The following ATP10B variants were observed in gnomAD, a reference collection of about 807,000 sequenced individuals.
ATP10B encodes ATPase phospholipid transporting 10B (putative).
ATP10B carries 122 observed loss-of-function variants against 141.2 expected under a neutral mutation model. That is an observed-to-expected ratio of 0.86 (90% CI 0.75 to 1.00). The LOEUF (loss-of-function observed/expected upper bound fraction) is 1.00. Among genes scored for constraint, ATP10B ranks in the 50% least tolerant of loss-of-function variants. ATP10B has a pLI of 0.00. For synonymous variants in ATP10B, 685 were observed against 692.0 expected (o/e 0.99, Z 0.16); for missense variants, 1,876 against 1,825.3 (o/e 1.03, Z -0.51).
At chr5:160,843,514 A>T (rs78582583) in intron 1 of ATP10B, among the ~76,000 whole-genome samples, 2 of 152,098 alleles carry the variant, frequency 1.3e-5, no homozygotes, top group Non-Finnish European at 2.9e-5. Context: ...TGACAAAAAA[A>T]AAAAGCTGTT....
the ATP10B span, among the ~76,000 whole-genome samples, chr5:160,870,986 T>TTCAAAAATACAGGAGAAATTATTCG: frequency 6.6e-6 from 1 of 152,224 alleles, no homozygotes; most frequent in Non-Finnish European, 1.5e-5. Context: ...GAAATTATTC[T>TTCAAAAATACAGGAGAAATTATTCG]TCAAAAATAC....
intron 24 of ATP10B, among the ~76,000 whole-genome samples, chr5:160,570,074 C>A (rs1754783405): frequency 6.6e-6 from 1 of 151,796 alleles, no homozygotes; most frequent in Non-Finnish European, 1.5e-5. Context: ...TTCCACATGG[C>A]AGTAGTTTAT....
intron 2 of ATP10B, among the ~76,000 whole-genome samples, chr5:160,772,587 T>C (rs897531545): frequency 6.6e-6 from 1 of 152,210 alleles, no homozygotes; most frequent in Non-Finnish European, 1.5e-5. Context: ...CATTAGATTC[T>C]TGTAAGGAGC....
At chr5:160,896,904 A>G in the ATP10B span, among the ~76,000 whole-genome samples, 1 of 152,222 alleles carries the variant, frequency 6.6e-6, no homozygotes, top group African/African-American at 2.4e-5. Context: ...AAATCAATAA[A>G]TGTAATCCAT....
chr5:160,677,539 G>C (rs1027623564), intron 6 of ATP10B, among the ~76,000 whole-genome samples: 4 of 152,182 alleles, frequency 2.6e-5, no homozygotes, highest in Non-Finnish European at 5.9e-5. Context: ...CGAGTTCTAT[G>C]GTTAAAGATT....
chr5:160,642,083 A>G, intron 9 of ATP10B, among the ~76,000 whole-genome samples: 1 of 151,568 alleles, frequency 6.6e-6, no homozygotes. Flanking sequence ...GGGAGGAAGT[A>G]TGGGGCAGTG....
At chr5:160,611,529 G>A (rs1757720519) in intron 18 of ATP10B, among the ~76,000 whole-genome samples, 1 of 152,100 alleles carries the variant, frequency 6.6e-6, no homozygotes, top group Non-Finnish European at 1.5e-5. Context: ...AATTCATTAA[G>A]GTTTAATCTA....
chr5:160,586,530 C>T (rs1332517440), intron 24 of ATP10B, among the ~76,000 whole-genome samples: 2 of 152,198 alleles, frequency 1.3e-5, no homozygotes, highest in Non-Finnish European at 2.9e-5. Flanking sequence ...ATTTCTGGTT[C>T]TAGATCCTTG....
intron 24 of ATP10B, among the ~76,000 whole-genome samples, chr5:160,585,236 A>G (rs982330540): frequency 6.6e-6 from 1 of 152,206 alleles, no homozygotes; most frequent in African/African-American, 2.4e-5. Context: ...ATTTTTTGCC[A>G]GTGTCTGATC....
the ATP10B span, among the ~76,000 whole-genome samples, chr5:160,909,702 TTC>T: frequency 6.6e-6 from 1 of 152,242 alleles, no homozygotes; most frequent in Non-Finnish European, 1.5e-5. Flanking sequence ...GTAGAATCAC[TTC>T]TGTTTTTTCT....
At chr5:160,696,700 C>G (rs983765288) in intron 3 of ATP10B, among the ~76,000 whole-genome samples, 5 of 152,070 alleles carry the variant, frequency 3.3e-5, no homozygotes, top group African/African-American at 1.2e-4. Flanking sequence ...CAAGTTTCTT[C>G]CCCTCAACAC....
At chr5:160,590,673 A>C (rs140176807) in intron 23 of ATP10B, among the ~76,000 whole-genome samples, 1 of 152,204 alleles carries the variant, frequency 6.6e-6, no homozygotes, top group African/African-American at 2.4e-5. Context: ...AGTAAATTCA[A>C]ATACCTTCAG....
intron 2 of ATP10B, among the ~76,000 whole-genome samples, chr5:160,728,223 G>T (rs1243276465): frequency 6.6e-6 from 1 of 151,938 alleles, no homozygotes; most frequent in Non-Finnish European, 1.5e-5. Context: ...CTTCTTGGAT[G>T]CCTGCCCCTC....
chr5:160,693,464 A>G (rs1764195274), intron 3 of ATP10B, among the ~76,000 whole-genome samples: 1 of 149,860 alleles, frequency 6.7e-6, no homozygotes, highest in African/African-American at 2.5e-5. Flanking sequence ...ACAGTGGTAT[A>G]GTCAGGGAAG....
At chr5:160,744,488 T>C (rs748867136) in intron 2 of ATP10B, among the ~76,000 whole-genome samples, 2 of 152,180 alleles carry the variant, frequency 1.3e-5, no homozygotes, top group East Asian at 1.9e-4. Flanking sequence ...GAGAGGAAGA[T>C]TGCAGGCAGC....
chr5:160,721,876 T>C (rs545370313), intron 2 of ATP10B, among the ~76,000 whole-genome samples: 45 of 152,182 alleles, frequency 3.0e-4, no homozygotes, highest in Non-Finnish European at 5.1e-4. Flanking sequence ...GCTGGTCCTG[T>C]CTTGGAGCCA....
In ATP10B at chr5:160,688,223, G is replaced by A. The variant is rs1472380096; in HGVS notation, c.-20-129C>T. 9 of 917,458 alleles carry A rather than the reference G, an allele frequency of 9.8e-6. No homozygotes were observed. In the Admixed American group the frequency reaches 1.8e-4, roughly 18 times the overall value. The allele number at this position is 917,458 out of a possible 1,614,324, so 56.8% of individuals were successfully genotyped here. On this transcript the variant is annotated intron_variant, in intron 4 of 25. Transcript: ENST00000327245. ...AACCCACACTTTGACCTACTTCCTT[G>A]TAACTAAAGGTCACTAGATCCTGAC...
intron 7 of ATP10B, among the ~76,000 whole-genome samples, chr5:160,670,102 T>A (rs1163157350): frequency 6.6e-6 from 1 of 151,930 alleles, no homozygotes; most frequent in Non-Finnish European, 1.5e-5. Context: ...CAGAGTGAGT[T>A]GGGATTGGAT....
chr5:160,669,869 G>T lies in ATP10B; in HGVS notation c.675+594C>A, dbSNP rs186467503. Among the ~76,000 whole-genome samples the T allele has an allele frequency of 1.2e-3, 147 of 126,504 alleles. 1 individual carries two copies. Among genetic ancestry groups the T allele is most frequent in the Admixed American group, 2.2e-3 (24 of 10,958 alleles). 83.0% of individuals were successfully genotyped at this position (126,504 alleles called of 152,430 possible). On this transcript the variant is annotated intron_variant, in intron 7 of 25. Coordinates refer to ENST00000327245, the MANE Select transcript of ATP10B (RefSeq NM_025153.3). ...TACCTGCCTCTCGGCCTGCCAAAATGCTGGGATTACAAGCTTGAGCCATTG... is the reference window on the plus strand; with the variant it reads ...TACCTGCCTCTCGGCCTGCCAAAATTCTGGGATTACAAGCTTGAGCCATTG...
Sources: allele counts gnomAD v4.1 joint callset (sites outside exome capture counted in the v4.1 genomes callset), GRCh38; gene constraint gnomAD v4.1.1; transcripts MANE v1.5; gene names NCBI Gene and HGNC (gene_info 2026-07-23, HGNC 2026-07-21).